PCDHGB3: variants seen among roughly 807,000 people sequenced by gnomAD.
The protein encoded by PCDHGB3 is protocadherin gamma subfamily B, 3.
Under a neutral mutation model 59.2 loss-of-function variants are expected in PCDHGB3, and 40 were observed. The observed-to-expected ratio is 0.68, with a 90% confidence interval of 0.52 to 0.88. PCDHGB3 has a LOEUF of 0.88. PCDHGB3 is among the 40% of genes least tolerant of loss of function. The probability of loss-of-function intolerance (pLI) is 0.00; values close to 1 mark genes in which losing one functional copy is unlikely to be tolerated. For missense variants in PCDHGB3, 1,309 were observed against 1,187.9 expected, an observed-to-expected ratio of 1.10 and a Z score of -1.50; for synonymous variants, 581 against 503.6, an observed-to-expected ratio of 1.15 and a Z score of -2.06.
chr5:141,487,798 G>A lies in PCDHGB3; in HGVS notation c.2416-7009G>A, dbSNP rs1197016007. 6.7e-7 allele frequency: 1 copy of A among 1,498,792 alleles called. No homozygotes were observed. Among genetic ancestry groups the A allele is most frequent in the South Asian group, 1.3e-5 (1 of 78,368 alleles). 92.8% of individuals were successfully genotyped at this position (1,498,792 alleles called of 1,614,324 possible). On this transcript the variant is annotated intron_variant, in intron 1 of 3. Coordinates refer to ENST00000576222, the MANE Select transcript of PCDHGB3 (RefSeq NM_018924.5). The surrounding 1 kb of genome is among the most constrained non-coding windows in gnomAD (Gnocchi z 5.0). ...ACTGTTTCGTGAATTAACCAGAGTT[G>A]TCACAGTTTAGCATTGGGGGCGGGT...
At chr5:141,402,120 T>C (rs17097267) in intron 1 of PCDHGB3, among the ~76,000 whole-genome samples, 16,890 of 152,168 alleles carry the variant, frequency 0.11, 1,101 homozygotes, top group African/African-American at 0.17. Context: ...TGTGAAAATT[T>C]CCAACTTTAA....
chr5:141,485,242 C>A lies in PCDHGB3; in HGVS notation c.2416-9565C>A, dbSNP rs747029550. ...CTACCCTTTTGTTCCTCTTTTACCA[C>A]CTGGGTTACGTTTGTGGGCAGATCC... On this transcript the variant is annotated intron_variant, in intron 1 of 3. Transcript: ENST00000576222. This position sits in a 1 kb window ranked among gnomAD's most constrained non-coding sequence, Gnocchi z 5.7. 7.4e-5 allele frequency: 119 copies of A among 1,614,054 alleles called. No individual in the cohort carries two copies. The highest frequency in any genetic ancestry group is 3.3e-4 in the Middle Eastern group (2 of 6,084).
intron 2 of PCDHGB3, among the ~76,000 whole-genome samples, chr5:141,496,180 GC>G (rs1054381604): frequency 1.4e-4 from 21 of 151,922 alleles, no homozygotes; most frequent in Non-Finnish European, 2.9e-4. Flanking sequence ...CATCCAAGCA[GC>G]CCCAGCTGCT....
intron 1 of PCDHGB3, chr5:141,405,386 T>C (rs2094651618): frequency 6.9e-6 from 11 of 1,595,500 alleles, no homozygotes; most frequent in Non-Finnish European, 7.7e-6. Flanking sequence ...GGTGAGTTCA[T>C]TTTTTTTCTT....
chr5:141,397,841 C>A (rs996938995), intron 1 of PCDHGB3: 31 of 520,424 alleles, frequency 6.0e-5, no homozygotes, highest in Middle Eastern at 4.9e-4. Context: ...AACTTGAAGC[C>A]GCAGAGGCTG....
intron 1 of PCDHGB3, chr5:141,421,469 G>C (rs767500900): frequency 2.5e-6 from 4 of 1,614,122 alleles, no homozygotes; most frequent in Non-Finnish European, 3.4e-6. Context: ...GTGAATCCGC[G>C]AAGCGGCAGC....
rs373591066 is a variant in PCDHGB3, at chr5:141,404,487, G to T, written c.2415+31678G>T. 8 of 1,613,840 alleles carry T rather than the reference G, an allele frequency of 5.0e-6. No homozygotes were observed. In the East Asian group the frequency reaches 1.8e-4, roughly 36 times the overall value. The stretch of plus-strand genomic sequence containing the variant: ...TATGTCTCTATTAACTCAGACACTG[G>T]TGTGCTGTATGCTCTGTGCTCCTTT... On this transcript the variant is annotated intron_variant, in intron 1 of 3. Transcript: ENST00000576222.
At position 141,485,632 on chromosome 5, in the gene PCDHGB3, G is replaced by C; in HGVS notation, c.2416-9175G>C. 6.2e-7 allele frequency: 1 copy of C among 1,611,766 alleles called. No individual in the cohort carries two copies. The highest frequency in any genetic ancestry group is 8.5e-7 in the Non-Finnish European group (1 of 1,178,342). ...CAGCTCCTCCAGGACAGCGTTTCCC[G>C]TTGGAAAAGGCTCAGGATGCAGATG... is the stretch of plus-strand genomic sequence containing the variant. On this transcript the variant is annotated intron_variant, in intron 1 of 3. Coordinates refer to ENST00000576222, the MANE Select transcript of PCDHGB3 (RefSeq NM_018924.5). This position sits in a 1 kb window ranked among gnomAD's most constrained non-coding sequence, Gnocchi z 5.7.
intron 1 of PCDHGB3, chr5:141,405,033 T>TTGTGGC: frequency 6.2e-7 from 1 of 1,613,962 alleles, no homozygotes; most frequent in Non-Finnish European, 8.5e-7. Context: ...CTCTACCTCG[T>TTGTGGC]TGTGGCTGTG....
At chr5:141,388,953 G>A (rs1266765544) in intron 1 of PCDHGB3, 13 of 1,614,022 alleles carry the variant, frequency 8.1e-6, no homozygotes, top group Non-Finnish European at 1.1e-5. Context: ...AATTATGGAG[G>A]ACGCCGAGCT....
intron 2 of PCDHGB3, among the ~76,000 whole-genome samples, chr5:141,495,377 G>A (rs558501090): frequency 1.9e-4 from 29 of 152,330 alleles, no homozygotes; most frequent in Admixed American, 6.5e-4. Flanking sequence ...ACTGAGGAAG[G>A]ACTGGGCGGG....
chr5:141,372,863 G>T, intron 1 of PCDHGB3, 54 bp downstream of exon 1: 2 of 1,395,300 alleles, frequency 1.4e-6, no homozygotes, highest in Non-Finnish European at 1.9e-6. Context: ...TCAATTCATT[G>T]ATTTAGAGAT....
chr5:141,472,068 G>C (rs1050927364), intron 1 of PCDHGB3, among the ~76,000 whole-genome samples: 7 of 151,974 alleles, frequency 4.6e-5, no homozygotes, highest in Non-Finnish European at 8.8e-5. Context: ...CATGTCTGTG[G>C]TTATATCAAT....
At chr5:141,475,997 G>A in intron 1 of PCDHGB3, 2 of 1,184,406 alleles carry the variant, frequency 1.7e-6, no homozygotes, top group East Asian at 2.4e-5. Flanking sequence ...CAAATCAACG[G>A]CATCCAGAAA....
At chr5:141,413,990 A>G (rs1179968710) in intron 1 of PCDHGB3, 6 of 1,613,434 alleles carry the variant, frequency 3.7e-6, no homozygotes, top group Admixed American at 1.7e-5. Context: ...ACAGCCACCG[A>G]CAGGGACGAA....
At chr5:141,375,816 C>A (rs755968729) in intron 1 of PCDHGB3, 6 of 1,614,194 alleles carry the variant, frequency 3.7e-6, no homozygotes, top group South Asian at 3.3e-5. Context: ...GTGGAGCTGG[C>A]GCCCCGCTCC....
intron 1 of PCDHGB3, chr5:141,410,318 G>A: frequency 6.2e-7 from 1 of 1,613,982 alleles, no homozygotes; most frequent in Non-Finnish European, 8.5e-7. Flanking sequence ...CTTCCTCCTC[G>A]CCGTGATTCT....
At chr5:141,488,705 G>C (rs1024064135) in intron 1 of PCDHGB3, among the ~76,000 whole-genome samples, 8 of 152,200 alleles carry the variant, frequency 5.3e-5, no homozygotes, top group Non-Finnish European at 1.2e-4. Context: ...AGATTTTGCT[G>C]GTTCAAGCAA....
chr5:141,399,309 C>CA (rs1033550021), intron 1 of PCDHGB3: 6 of 1,613,784 alleles, frequency 3.7e-6, no homozygotes, highest in African/African-American at 1.3e-5. Context: ...TCTCTTCATC[C>CA]AAAAATTCGT....
Sources: gnomAD v4.1 joint callset for allele counts (sites outside exome capture counted in the v4.1 genomes callset) on GRCh38, gnomAD v4.1.1 for gene constraint, Gnocchi (gnomAD v3.1) non-coding constraint, MANE v1.5 for transcripts, NCBI Gene and HGNC (gene_info 2026-07-23, HGNC 2026-07-21) for gene names.